Variants in PCTP observed in about 807,000 individuals in gnomAD.
The protein encoded by PCTP is phosphatidylcholine transfer protein.
PCTP carries 27 observed loss-of-function variants against 31.0 expected under a neutral mutation model. The observed-to-expected ratio is 0.87, with a 90% CI of 0.64 to 1.20. The LOEUF is 1.20. PCTP is among the 50% of genes most tolerant of loss of function. The probability of loss-of-function intolerance (pLI) is 0.00; values close to 1 mark genes in which losing one functional copy is unlikely to be tolerated. For synonymous variants in PCTP, 108 were observed against 101.2 expected (o/e 1.07, Z -0.40); for missense variants, 287 against 268.2 (o/e 1.07, Z -0.49).
intron 1 of PCTP, among the ~76,000 whole-genome samples, chr17:55,766,264 T>C (rs1464095383): frequency 1.3e-5 from 2 of 151,978 alleles, no homozygotes; most frequent in Non-Finnish European, 2.9e-5. Flanking sequence ...TTTTCTTTTT[T>C]TTTTTTTTTA....
At chr17:55,834,577 T>A (rs904895777) in intron 5 of PCTP, among the ~76,000 whole-genome samples, 1 of 152,172 alleles carries the variant, frequency 6.6e-6, no homozygotes, top group Admixed American at 6.6e-5. Context: ...TCACCTGCGG[T>A]CCATCGCTTG....
chr17:55,771,384 A>C (rs141579430), intron 3 of PCTP, among the ~76,000 whole-genome samples, 199 bp downstream of exon 3: 54 of 152,356 alleles, frequency 3.5e-4, no homozygotes, highest in African/African-American at 1.2e-3. Context: ...TCTGGGCCCA[A>C]CCACATGAAG....
intron 3 of PCTP, among the ~76,000 whole-genome samples, chr17:55,803,998 G>A (rs1016365383): frequency 1.5e-4 from 23 of 150,846 alleles, no homozygotes; most frequent in African/African-American, 5.6e-4. Context: ...AATCTACAAG[G>A]AACTTAAACA....
At chr17:55,840,655 A>C (rs1379367827) in intron 5 of PCTP, among the ~76,000 whole-genome samples, 1 of 152,206 alleles carries the variant, frequency 6.6e-6, no homozygotes, top group Non-Finnish European at 1.5e-5. Context: ...TATTGTTATA[A>C]TTGTTCTATT....
intron 5 of PCTP, among the ~76,000 whole-genome samples, chr17:55,839,851 C>T (rs1159023341): frequency 2.4e-5 from 3 of 127,198 alleles, no homozygotes; most frequent in Non-Finnish European, 4.7e-5. Context: ...ACCCGGGAGG[C>T]GGAGCTTGCA....
At chr17:55,770,866 T>G (rs1910949920) in intron 2 of PCTP, 1 of 382,934 alleles carries the variant, frequency 2.6e-6, no homozygotes, top group Middle Eastern at 7.3e-4. Context: ...ACTACAGACA[T>G]GCACCACCAT....
the PCTP span, among the ~76,000 whole-genome samples, chr17:55,852,637 A>G: frequency 6.6e-6 from 1 of 152,168 alleles, no homozygotes; most frequent in Admixed American, 6.6e-5. Flanking sequence ...GTTTTCTTCT[A>G]CCCAGGTTTG....
At position 55,776,176 on chromosome 17, in the gene PCTP, C is replaced by T; in HGVS notation, c.*76C>T. On this transcript the variant is annotated 3_prime_UTR_variant, in exon 6 of 6. Coordinates refer to ENST00000268896, the MANE Select transcript of PCTP (RefSeq NM_021213.4). ...AACCACCCAATGTCTCTGGAAGTGC[C>T]ACCTGGAAGTGCCACCTGGAAGTGT... 1 of 1,573,804 alleles carries T rather than the reference C, an allele frequency of 6.4e-7. No individual in the cohort carries two copies. Among genetic ancestry groups the T allele is most frequent in the East Asian group, 2.3e-5 (1 of 43,130 alleles).
downstream of PCTP, among the ~76,000 whole-genome samples, chr17:55,826,444 T>C (rs1905399943): frequency 6.8e-6 from 1 of 146,610 alleles, no homozygotes. Context: ...AGAGTATCCA[T>C]CTCCGAAGGA....
intron 1 of PCTP, among the ~76,000 whole-genome samples, chr17:55,762,592 A>G (rs1172124382): frequency 1.3e-5 from 2 of 152,168 alleles, no homozygotes; most frequent in South Asian, 4.1e-4. Context: ...AAACAGAGGC[A>G]TGTTTATCTC....
intron 3 of PCTP, among the ~76,000 whole-genome samples, chr17:55,818,561 G>T (rs1021936933): frequency 2.0e-5 from 3 of 152,102 alleles, no homozygotes; most frequent in Non-Finnish European, 2.9e-5. Flanking sequence ...AACTTCATAG[G>T]GTTATTGTGA....
chr17:55,773,782 T>A lies in PCTP; in HGVS notation c.398T>A (p.Ile133Asn). ...LDMEGRKIHV[I>N]LARSTSMPQL... Reference sequence around the variant, plus strand: ...ATGGAAGGGAGGAAGATCCATGTGATCCTGGCCCGGAGCACCTCCATGCCT... The same window carrying A: ...ATGGAAGGGAGGAAGATCCATGTGAACCTGGCCCGGAGCACCTCCATGCCT... The change falls in exon 4 of 6, where the codon ATC (isoleucine) becomes AAC (asparagine). Residue 133 changes from isoleucine (I) to asparagine (N), a missense_variant. Transcript: ENST00000268896. 6.2e-7 allele frequency: 1 copy of A among 1,613,892 alleles called. No homozygotes were observed. Among genetic ancestry groups the A allele is most frequent in the Non-Finnish European group, 8.5e-7 (1 of 1,179,954 alleles).
exon 4 of PCTP, chr17:55,822,925 C>T: frequency 1.4e-6 from 1 of 740,220 alleles, no homozygotes; most frequent in Non-Finnish European, 1.8e-6. Context: ...GAAATGGGTG[C>T]AGGTATCATT....
intron 3 of PCTP, among the ~76,000 whole-genome samples, chr17:55,797,895 G>C (rs4260113): frequency 0.38 from 57,043 of 151,808 alleles, 16,599 homozygotes; most frequent in African/African-American, 0.82. Flanking sequence ...AAAAATAAAA[G>C]AAGAATAAAA....
intron 1 of PCTP, among the ~76,000 whole-genome samples, chr17:55,751,662 A>C (rs777218818): frequency 5.9e-5 from 9 of 151,946 alleles, no homozygotes; most frequent in Non-Finnish European, 1.3e-4. Flanking sequence ...GGAGGAAAAG[A>C]AACAGAACTT....
intron 3 of PCTP, among the ~76,000 whole-genome samples, chr17:55,790,777 CT>C (rs1315786546): frequency 6.7e-6 from 1 of 149,174 alleles, no homozygotes; most frequent in Non-Finnish European, 1.5e-5. Context: ...CTACCAATGA[CT>C]TTCTTCACAG....
chr17:55,775,554 A>T (rs2960059), intron 5 of PCTP: 981,648 of 1,164,384 alleles, frequency 0.84, 421,622 homozygotes, highest in East Asian at 0.9. Flanking sequence ...ATGAAGATAG[A>T]TGTCTTCTAC....
At chr17:55,757,837 A>T (rs1240509615) in intron 1 of PCTP, among the ~76,000 whole-genome samples, 4 of 152,142 alleles carry the variant, frequency 2.6e-5, no homozygotes, top group African/African-American at 4.8e-5. Context: ...AATACCCTAG[A>T]GATGAGATGC....
intron 3 of PCTP, among the ~76,000 whole-genome samples, chr17:55,804,872 G>A (rs1380064283): frequency 1.3e-5 from 2 of 151,892 alleles, no homozygotes; most frequent in Non-Finnish European, 2.9e-5. Flanking sequence ...AAAAAAAATT[G>A]AAAAGATGGC....
Sources: allele counts gnomAD v4.1 joint callset (sites outside exome capture counted in the v4.1 genomes callset), GRCh38; gene constraint gnomAD v4.1.1; transcripts MANE v1.5; gene names NCBI Gene and HGNC (gene_info 2026-07-23, HGNC 2026-07-21).